The following PPM1D variants were observed in gnomAD, a reference collection of about 807,000 sequenced individuals.
PPM1D encodes protein phosphatase 1D.
PPM1D carries 52 observed loss-of-function variants against 58.3 expected under a neutral mutation model. That is an observed-to-expected ratio of 0.89 (90% CI 0.71 to 1.12). PPM1D has a LOEUF of 1.12. Ranked by LOEUF, PPM1D falls within the 50% of genes most tolerant of loss-of-function variation. The probability of loss-of-function intolerance (pLI) is 0.00; values close to 1 mark genes in which losing one functional copy is unlikely to be tolerated. For synonymous variants in PPM1D, 278 were observed against 285.1 expected (o/e 0.98, Z 0.25); for missense variants, 564 against 777.2 (o/e 0.73, Z 3.26).
chr17:60,637,531 C>G (rs1257363311), intron 3 of PPM1D, among the ~76,000 whole-genome samples: 1 of 152,168 alleles, frequency 6.6e-6, no homozygotes, highest in Non-Finnish European at 1.5e-5. Flanking sequence ...ACCCTTTCGG[C>G]ATGTTTTAGA....
intron 2 of PPM1D, among the ~76,000 whole-genome samples, chr17:60,627,901 T>G (rs1055605621): frequency 4.6e-5 from 7 of 151,838 alleles, no homozygotes; most frequent in Admixed American, 6.6e-5. Flanking sequence ...TTTTTTTTTT[T>G]GAGACTTGAG....
intron 1 of PPM1D, among the ~76,000 whole-genome samples, chr17:60,608,794 C>T (rs1327295432): frequency 6.6e-6 from 1 of 151,378 alleles, no homozygotes; most frequent in Non-Finnish European, 1.5e-5. Flanking sequence ...GTCGCCCAGG[C>T]TGGAGTGCAG....
At chr17:60,656,548 G>T (rs968751744) in intron 4 of PPM1D, 51 bp from the exon 5 acceptor site, 9 of 1,593,482 alleles carry the variant, frequency 5.6e-6, no homozygotes, top group African/African-American at 2.7e-5. Context: ...TACAGATGTA[G>T]TGGCAGCTAA....
chr17:60,611,352 T>C (rs529104671), intron 1 of PPM1D, among the ~76,000 whole-genome samples: 7 of 152,152 alleles, frequency 4.6e-5, no homozygotes, highest in African/African-American at 1.7e-4. Context: ...CCTTTTAATT[T>C]TTTTGCCCAT....
At position 60,647,955 on chromosome 17, in the gene PPM1D, G is replaced by A; in HGVS notation, c.890G>A (p.Ser297Asn). 6.2e-7 allele frequency: 1 copy of A among 1,613,502 alleles called. No individual in the cohort carries two copies. Residue 297 changes from serine (S) to asparagine (N), a missense_variant, in exon 4 of 6, where the codon AGT becomes AAT. Around this residue, in one of 7 missense-constraint regions of PPM1D, gnomAD observed 95 missense variants for 232.6 expected, o/e 0.41. Transcript: ENST00000305921. ...EFVVSPEPDT[S>N]VHTLDPQKHK... is the part of the protein sequence containing the mutation. ...GTGGTGTCACCTGAACCAGACACAA[G>A]TGTCCACACTCTTGACCCTCAGAAG...
At chr17:60,636,552 T>C (rs989409799) in intron 3 of PPM1D, among the ~76,000 whole-genome samples, 1 of 152,124 alleles carries the variant, frequency 6.6e-6, no homozygotes, top group African/African-American at 2.4e-5. Context: ...TAATTCTAAA[T>C]GGGATGGTCA....
rs188282138 is a variant in PPM1D, at chr17:60,636,720, G to A, written c.826+2743G>A. Among the ~76,000 whole-genome samples the A allele has an allele frequency of 2.8e-4, 42 of 150,946 alleles. No homozygotes were observed. In the East Asian group the frequency reaches 7.5e-3, roughly 27 times the overall value. On this transcript the variant is annotated intron_variant, in intron 3 of 5. Transcript: ENST00000305921. ...TTTTCTCTTTTTTTTTTGAGATGAGGTCTCACTCTGTGCCCTAGGCTAGAG... is the reference window on the plus strand; with the variant it reads ...TTTTCTCTTTTTTTTTTGAGATGAGATCTCACTCTGTGCCCTAGGCTAGAG...
rs187568041 is a variant in PPM1D, at chr17:60,609,179, C to T, written c.472+8293C>T. On this transcript the variant is annotated intron_variant, in intron 1 of 5. Coordinates refer to ENST00000305921, the MANE Select transcript of PPM1D (RefSeq NM_003620.4). The stretch of plus-strand genomic sequence containing the variant: ...CGTGATCTCGGCTCACCGCAACCTC[C>T]GCCTCCTGGATTCAAGCGATTCTCC... Among the ~76,000 whole-genome samples the T allele has an allele frequency of 1.1e-4, 17 of 151,368 alleles. No individual in the cohort carries two copies. The East Asian group carries it at 2.0e-3, about 17-fold the overall frequency.
At chr17:60,641,776 G>A (rs1598409040) in intron 3 of PPM1D, among the ~76,000 whole-genome samples, 1 of 152,192 alleles carries the variant, frequency 6.6e-6, no homozygotes, top group Admixed American at 6.5e-5. Flanking sequence ...ATTAGAGGGG[G>A]TAAACATTGT....
rs141975611 is a variant in PPM1D at position 60,642,788 on chromosome 17, C to T, written c.827-5104C>T. ...CTCTTCTTTAAAAAAGATTTTCAGC[C>T]GGGCACGGTGGCTTATGCCTGTAAT... On this transcript the variant is annotated intron_variant, in intron 3 of 5. Coordinates refer to ENST00000305921, the MANE Select transcript of PPM1D (RefSeq NM_003620.4). Among the ~76,000 whole-genome samples, 580 of 152,162 alleles carry T rather than the reference C, an allele frequency of 3.8e-3. 2 individuals carry two copies. The highest frequency in any genetic ancestry group is 0.013 in the African/African-American group (538 of 41,554).
intron 4 of PPM1D, among the ~76,000 whole-genome samples, chr17:60,648,616 G>A (rs9897508): frequency 2.8e-4 from 42 of 152,120 alleles, no homozygotes; most frequent in African/African-American, 9.9e-4. Context: ...ATCTGACCTC[G>A]TGATCCGCCT....
At chr17:60,627,444 C>T (rs2030832715) in intron 2 of PPM1D, among the ~76,000 whole-genome samples, 1 of 151,074 alleles carries the variant, frequency 6.6e-6, no homozygotes. Context: ...TTTTTTGAGA[C>T]AGAGTCTTGC....
intron 1 of PPM1D, among the ~76,000 whole-genome samples, chr17:60,613,901 G>GC (rs1434479837): frequency 1.1e-4 from 7 of 65,498 alleles, no homozygotes; most frequent in African/African-American, 3.6e-4. Context: ...CCCCCCCCCC[G>GC]CCACCCCCCC....
chr17:60,657,153 G>T, intron 5 of PPM1D: 2 of 1,096,382 alleles, frequency 1.8e-6, no homozygotes, highest in African/African-American at 1.6e-5. Context: ...TTTGAATCTC[G>T]TAGCCCAGAA....
chr17:60,648,205 C>G (rs1396362519), intron 4 of PPM1D, 123 bp downstream of exon 4: 1 of 967,526 alleles, frequency 1.0e-6, no homozygotes, highest in Non-Finnish European at 1.5e-6. Context: ...CCTTGATCTG[C>G]TAGTGGGTAA....
intron 3 of PPM1D, among the ~76,000 whole-genome samples, chr17:60,645,646 G>GTATATATATATATATATATATATA (rs544614194): frequency 1.1e-4 from 14 of 126,574 alleles, no homozygotes; most frequent in Non-Finnish European, 2.2e-4. Context: ...GTGTGTGTGT[G>GTATATATATATATATATATATATA]TATATATATA....
At chr17:60,606,695 C>T (rs553315078) in intron 1 of PPM1D, among the ~76,000 whole-genome samples, 23 of 152,202 alleles carry the variant, frequency 1.5e-4, no homozygotes, top group Admixed American at 1.2e-3. Context: ...ATGATGTGTA[C>T]GCCTCCCAAA....
chr17:60,615,385 G>A (rs1280538729), intron 1 of PPM1D, among the ~76,000 whole-genome samples: 5 of 151,934 alleles, frequency 3.3e-5, no homozygotes, highest in Non-Finnish European at 7.4e-5. Flanking sequence ...ATTGCAGCCC[G>A]GGTGACAGAG....
intron 3 of PPM1D, among the ~76,000 whole-genome samples, chr17:60,634,885 A>T (rs1423549128): frequency 6.6e-6 from 1 of 152,132 alleles, no homozygotes; most frequent in Admixed American, 6.5e-5. Context: ...GGCTCAAGTG[A>T]TCCTCCCACG....
Sources: allele counts gnomAD v4.1 joint callset (sites outside exome capture counted in the v4.1 genomes callset), GRCh38; gene constraint gnomAD v4.1.1; regional missense constraint gnomAD v4.1.1; transcripts MANE v1.5; gene names NCBI Gene and HGNC (gene_info 2026-07-23, HGNC 2026-07-21).